PDE1A: variants seen among roughly 807,000 people sequenced by gnomAD.
PDE1A encodes phosphodiesterase 1A.
In PDE1A, 35 loss-of-function variants were observed where a neutral mutation model predicts 61.7. That is an observed-to-expected ratio of 0.57 (90% CI 0.43 to 0.75). The LOEUF (loss-of-function observed/expected upper bound fraction) is 0.75. Ranked by LOEUF, PDE1A falls within the 30% of genes least tolerant of loss-of-function variation. PDE1A has a pLI of 0.00. For missense variants in PDE1A, 597 were observed against 630.6 expected, an observed-to-expected ratio of 0.95 and a Z score of 0.57; for synonymous variants, 232 against 213.2, an observed-to-expected ratio of 1.09 and a Z score of -0.77.
intron 1 of PDE1A, among the ~76,000 whole-genome samples, chr2:182,324,050 A>T (rs1398388455): frequency 6.6e-6 from 1 of 152,170 alleles, no homozygotes; most frequent in Non-Finnish European, 1.5e-5. Context: ...ACAGACCCAT[A>T]AATATAGGTG....
At chr2:182,441,533 AT>A (rs1320694007) in intron 2 of PDE1A, among the ~76,000 whole-genome samples, 3 of 152,040 alleles carry the variant, frequency 2.0e-5, no homozygotes. Flanking sequence ...TAAATATAAT[AT>A]ATACAACCCT....
the PDE1A span, among the ~76,000 whole-genome samples, chr2:182,701,583 T>C: frequency 4.6e-5 from 7 of 151,860 alleles, no homozygotes; most frequent in South Asian, 1.5e-3. Flanking sequence ...GGTTTCGCCA[T>C]GTTGGTCAGG....
chr2:182,581,827 C>T, the PDE1A span, among the ~76,000 whole-genome samples: 35 of 152,230 alleles, frequency 2.3e-4, no homozygotes, highest in Middle Eastern at 0.01. Context: ...TCAATCCACT[C>T]GAGGGCAGCT....
chr2:182,170,229 T>G (rs1332257587), intron 13 of PDE1A, among the ~76,000 whole-genome samples: 1 of 152,116 alleles, frequency 6.6e-6, no homozygotes, highest in East Asian at 1.9e-4. Context: ...TAATTTAGTT[T>G]CTCTGAGTGA....
intron 1 of PDE1A, among the ~76,000 whole-genome samples, chr2:182,273,624 T>C (rs564706773): frequency 3.3e-4 from 50 of 152,216 alleles, no homozygotes; most frequent in Admixed American, 5.9e-4. Flanking sequence ...CAAACTATGA[T>C]GGCTGAATTT....
chr2:182,679,188 A>ATTTTTT, the PDE1A span, among the ~76,000 whole-genome samples: 2 of 141,692 alleles, frequency 1.4e-5, no homozygotes, highest in African/African-American at 5.5e-5. Flanking sequence ...TATTATTATT[A>ATTTTTT]TTATTTTTTT....
In PDE1A at chr2:182,452,530, T is replaced by G. The variant is rs549802886; in HGVS notation, c.101+69746A>C. Among the ~76,000 whole-genome samples the G allele has an allele frequency of 2.0e-5, 3 of 152,238 alleles. No homozygotes were observed. The East Asian group carries it at 5.8e-4, about 30-fold the overall frequency. ...TTTGTTGTTCATGATTTGTTCAGTT[T>G]AACTTCCAGCACCTTGATTCTGTGA... On this transcript the variant is annotated intron_variant, in intron 2 of 14. Transcript: ENST00000410103.
intron 1 of PDE1A, among the ~76,000 whole-genome samples, chr2:182,364,481 A>C (rs1368046514): frequency 6.9e-6 from 1 of 145,428 alleles, no homozygotes. Context: ...AAAAAAAAAA[A>C]AAAAAAAAAA....
At chr2:182,629,051 C>T in the PDE1A span, among the ~76,000 whole-genome samples, 1 of 152,144 alleles carries the variant, frequency 6.6e-6, no homozygotes, top group Non-Finnish European at 1.5e-5. Flanking sequence ...GGCCATGTGA[C>T]AAGGAATTGC....
chr2:182,516,335 G>A (rs1411023245), intron 2 of PDE1A, among the ~76,000 whole-genome samples: 2 of 151,948 alleles, frequency 1.3e-5, no homozygotes, highest in African/African-American at 4.8e-5. Flanking sequence ...TTTTTCTTCT[G>A]CCTCTCTCTT....
intron 2 of PDE1A, among the ~76,000 whole-genome samples, chr2:182,494,718 G>A (rs973083958): frequency 1.3e-5 from 2 of 151,544 alleles, no homozygotes; most frequent in African/African-American, 4.9e-5. Flanking sequence ...AATCTGAAAA[G>A]CCTTACCCTC....
At chr2:182,287,393 T>A (rs1279378232) in intron 1 of PDE1A, among the ~76,000 whole-genome samples, 1 of 152,136 alleles carries the variant, frequency 6.6e-6, no homozygotes, top group Non-Finnish European at 1.5e-5. Flanking sequence ...AGGCTATTTA[T>A]TTTTTATTTG....
intron 2 of PDE1A, among the ~76,000 whole-genome samples, chr2:182,475,144 T>C (rs1195340697): frequency 6.6e-6 from 1 of 151,914 alleles, no homozygotes; most frequent in Non-Finnish European, 1.5e-5. Flanking sequence ...AGGAGCCAAG[T>C]AAGAAGTTAG....
chr2:182,331,900 G>T (rs1035986674), intron 1 of PDE1A, among the ~76,000 whole-genome samples: 6 of 152,142 alleles, frequency 3.9e-5, no homozygotes, highest in Admixed American at 1.3e-4. Flanking sequence ...GGCCTGCCTT[G>T]CTAGGTTGGG....
At chr2:182,162,404 T>C (rs1206992043) in intron 13 of PDE1A, among the ~76,000 whole-genome samples, 2 of 152,134 alleles carry the variant, frequency 1.3e-5, no homozygotes, top group Non-Finnish European at 2.9e-5. Context: ...GATGGGAAGC[T>C]TACTATGCTC....
the PDE1A span, chr2:182,716,370 G>A: frequency 6.6e-6 from 1 of 152,334 alleles, no homozygotes; most frequent in African/African-American, 2.4e-5. Context: ...TGGGCCGTCG[G>A]AGAGTGCGTG....
At chr2:182,539,703 G>C in the PDE1A span, among the ~76,000 whole-genome samples, 88 of 152,324 alleles carry the variant, frequency 5.8e-4, no homozygotes, top group African/African-American at 2.0e-3. Context: ...ATTATTTAGT[G>C]CCAAGGATAT....
intron 1 of PDE1A, among the ~76,000 whole-genome samples, chr2:182,297,388 AT>A (rs1694957372): frequency 6.6e-6 from 1 of 152,074 alleles, no homozygotes; most frequent in Non-Finnish European, 1.5e-5. Flanking sequence ...AACAAGAGCT[AT>A]TTTTTAATCT....
the PDE1A span, among the ~76,000 whole-genome samples, chr2:182,626,255 G>C: frequency 6.6e-6 from 1 of 151,996 alleles, no homozygotes; most frequent in African/African-American, 2.4e-5. Context: ...AATAGATCTT[G>C]AGAGTTCTAG....
Sources: allele counts gnomAD v4.1 joint callset (sites outside exome capture counted in the v4.1 genomes callset), GRCh38; gene constraint gnomAD v4.1.1; transcripts MANE v1.5; gene names NCBI Gene and HGNC (gene_info 2026-07-23, HGNC 2026-07-21).